The following THOC5 variants were observed in gnomAD, a reference collection of about 807,000 sequenced individuals.
The protein encoded by THOC5 is THO complex subunit 5.
THOC5 carries 43 observed loss-of-function variants against 92.9 expected under a neutral mutation model. The observed-to-expected ratio is 0.46, with a 90% confidence interval of 0.36 to 0.60. The LOEUF (loss-of-function observed/expected upper bound fraction) is 0.60. THOC5 is among the 20% of genes least tolerant of loss of function. The pLI is 0.00. For synonymous variants in THOC5, 296 were observed against 320.1 expected (o/e 0.92, Z 0.80); for missense variants, 659 against 849.4 (o/e 0.78, Z 2.79).
At position 29,541,882 on chromosome 22, in the gene THOC5, A is replaced by T. The variant is rs1569230886; in HGVS notation, c.452+977T>A. Among the ~76,000 whole-genome samples the T allele has an allele frequency of 5.0e-3, 415 of 83,730 alleles. 9 individuals carry two copies. The highest frequency in any genetic ancestry group is 0.013 in the African/African-American group (321 of 24,388). The allele number at this position is 83,730 out of a possible 152,430, so 54.9% of individuals were successfully genotyped here. ...TCTCCAAAAAAAAAAAAAAAAAAAA[A>T]AAAAAAAAAAAATATATATATATAT... On this transcript the variant is annotated intron_variant, in intron 5 of 19. Transcript: ENST00000490103.
intron 11 of THOC5, 150 bp downstream of exon 11, chr22:29,527,928 C>T (rs1182035548): frequency 2.9e-6 from 2 of 688,380 alleles, no homozygotes; most frequent in Admixed American, 3.0e-5. Context: ...GAAACAAAGT[C>T]CATGCAAAAC....
At chr22:29,535,978 AAC>A (rs1294084616) in intron 7 of THOC5, 1 of 152,166 alleles carries the variant, frequency 6.6e-6, no homozygotes. Context: ...AGCAGTCAAC[AAC>A]TCTCCTTCTA....
Position 29,543,068 on chromosome 22 carries a change from GT to G in THOC5, c.355-113del, listed in dbSNP as rs998211633. On this transcript the variant is annotated intron_variant, in intron 4 of 19. Coordinates refer to ENST00000490103, the MANE Select transcript of THOC5 (RefSeq NM_003678.5). ...GGAATAAAGAAGGGGATGGGGCTGGGTGCAGTGGCTCACGCCTGTAATCCCA... is the reference window on the plus strand; with the variant it reads ...GGAATAAAGAAGGGGATGGGGCTGGGGCAGTGGCTCACGCCTGTAATCCCA... The G allele has an allele frequency of 3.3e-5, 25 of 755,700 alleles. No individual in the cohort carries two copies. In the Admixed American group the frequency reaches 4.4e-4, roughly 13 times the overall value. The allele number at this position is 755,700 out of a possible 1,614,324, so 46.8% of individuals were successfully genotyped here.
chr22:29,540,607 G>A (rs2063861583), intron 5 of THOC5, among the ~76,000 whole-genome samples: 3 of 152,100 alleles, frequency 2.0e-5, no homozygotes, highest in African/African-American at 7.2e-5. Flanking sequence ...ACTGTATTCT[G>A]GGTTTGTCAG....
chr22:29,545,288 G>A (rs576998454), intron 2 of THOC5: 2 of 181,238 alleles, frequency 1.1e-5, no homozygotes, highest in South Asian at 1.7e-4. Flanking sequence ...GGCAATTCTG[G>A]GAAATACAAT....
intron 1 of THOC5, among the ~76,000 whole-genome samples, chr22:29,553,234 T>A (rs1192516722): frequency 6.6e-6 from 1 of 152,100 alleles, no homozygotes; most frequent in East Asian, 1.9e-4. Context: ...GAATTATCAA[T>A]AAATACTAAA....
At chr22:29,518,715 A>G (rs762196046) in intron 15 of THOC5, among the ~76,000 whole-genome samples, 4 of 152,220 alleles carry the variant, frequency 2.6e-5, no homozygotes, top group Non-Finnish European at 5.9e-5. Flanking sequence ...TCTGCAATGC[A>G]TGACCTAGGA....
chr22:29,528,270 G>A, intron 10 of THOC5, 93 bp from the exon 11 acceptor site: 1 of 1,613,874 alleles, frequency 6.2e-7, no homozygotes, highest in South Asian at 1.1e-5. Flanking sequence ...CTACTGCCTG[G>A]CACCTGCTGC....
At chr22:29,542,530 G>T (rs780669130) in intron 5 of THOC5, among the ~76,000 whole-genome samples, 1 of 152,188 alleles carries the variant, frequency 6.6e-6, no homozygotes, top group Non-Finnish European at 1.5e-5. Context: ...TTGGGAGGCC[G>T]AGGCGGGAGG....
At chr22:29,528,004 G>A (rs1321323870) in intron 11 of THOC5, 74 bp downstream of exon 11, 17 of 1,452,470 alleles carry the variant, frequency 1.2e-5, no homozygotes, top group East Asian at 2.3e-5. Flanking sequence ...TTTGGCTCCC[G>A]GACCCTCTGC....
At chr22:29,547,522 C>T (rs1373152063) in intron 2 of THOC5, among the ~76,000 whole-genome samples, 1 of 152,146 alleles carries the variant, frequency 6.6e-6, no homozygotes, top group Non-Finnish European at 1.5e-5. Flanking sequence ...GCCACCACGC[C>T]TGGCTAATTT....
chr22:29,537,052 G>A (rs1407741210), intron 6 of THOC5, among the ~76,000 whole-genome samples: 1 of 152,256 alleles, frequency 6.6e-6, no homozygotes, highest in African/African-American at 2.4e-5. Flanking sequence ...CATGTCTCTT[G>A]CTCTCCAGAG....
At position 29,539,411 on chromosome 22, in the gene THOC5, A is replaced by C. The variant is rs776077736; in HGVS notation, c.518T>G (p.Ile173Ser). ...TCCCATGGTGACTTCGGCCTTGCTGATATCTGGTGGAGCCTCCTTATAAAA... is the reference window on the plus strand; with the variant it reads ...TCCCATGGTGACTTCGGCCTTGCTGCTATCTGGTGGAGCCTCCTTATAAAA... ...EEFYKEAPPD[I>S]SKAEVTMGDP... The change falls in exon 6 of 20, where the codon ATC becomes AGC. Residue 173 changes from isoleucine (I) to serine (S), a missense_variant. Ile to Ser is a moderately radical substitution (Grantham distance 142). Coordinates refer to ENST00000490103, the MANE Select transcript of THOC5 (RefSeq NM_003678.5). The C allele has an allele frequency of 6.2e-7, 1 of 1,614,114 alleles. No individual in the cohort carries two copies. Among genetic ancestry groups the C allele is most frequent in the East Asian group, 2.2e-5 (1 of 44,888 alleles).
At chr22:29,536,773 T>G in intron 6 of THOC5, 35 bp from the exon 7 acceptor site, 1 of 1,186,816 alleles carries the variant, frequency 8.4e-7, no homozygotes. Flanking sequence ...TCACCTGATA[T>G]CCCCCAGTGA....
At chr22:29,524,805 C>A (rs1265003786) in intron 12 of THOC5, among the ~76,000 whole-genome samples, 2 of 152,174 alleles carry the variant, frequency 1.3e-5, no homozygotes, top group Non-Finnish European at 2.9e-5. Context: ...GGAGAACTGG[C>A]AGGGGTGGAA....
At chr22:29,527,033 T>G (rs561009116) in intron 11 of THOC5, among the ~76,000 whole-genome samples, 3 of 151,478 alleles carry the variant, frequency 2.0e-5, no homozygotes, top group African/African-American at 7.3e-5. Context: ...TCGCTGTTAA[T>G]CATACCATCT....
intron 15 of THOC5, 118 bp from the exon 16 acceptor site, chr22:29,517,484 T>C (rs1346035072): frequency 7.5e-6 from 6 of 796,330 alleles, no homozygotes; most frequent in Non-Finnish European, 1.2e-5. Flanking sequence ...TATCCTGGTA[T>C]ACCTGGTACT....
At chr22:29,514,315 ATTT>A (rs1179250004) in intron 17 of THOC5, among the ~76,000 whole-genome samples, 7 of 137,818 alleles carry the variant, frequency 5.1e-5, no homozygotes, top group African/African-American at 1.1e-4. Flanking sequence ...TGACTGAAGA[ATTT>A]TTTTTTTTTT....
At chr22:29,549,753 C>A (rs2064104016) in intron 1 of THOC5, among the ~76,000 whole-genome samples, 1 of 152,068 alleles carries the variant, frequency 6.6e-6, no homozygotes, top group Admixed American at 6.6e-5. Flanking sequence ...CTATTCCTAC[C>A]GACCTTCCCA....
Sources: gnomAD v4.1 joint callset for allele counts (sites outside exome capture counted in the v4.1 genomes callset) on GRCh38, gnomAD v4.1.1 for gene constraint, MANE v1.5 for transcripts, NCBI Gene and HGNC (gene_info 2026-07-23, HGNC 2026-07-21) for gene names.